CFAP61: variants seen among roughly 807,000 people sequenced by gnomAD.
The protein encoded by CFAP61 is cilia- and flagella-associated protein 61.
A neutral mutation model predicts 135.6 loss-of-function variants in CFAP61; 107 were observed. The ratio of observed to expected loss-of-function variants is 0.79; its 90% CI spans 0.67 to 0.93. The LOEUF is 0.93. Ranked by LOEUF, CFAP61 falls within the 40% of genes least tolerant of loss-of-function variation. The pLI, the probability that CFAP61 is intolerant of heterozygous loss-of-function variation, is 0.00. For synonymous variants in CFAP61, 575 were observed against 578.5 expected (o/e 0.99, Z 0.09); for missense variants, 1,507 against 1,556.2 (o/e 0.97, Z 0.53).
intron 7 of CFAP61, among the ~76,000 whole-genome samples, chr20:20,095,073 A>G (rs2047469986): frequency 6.6e-6 from 1 of 152,216 alleles, no homozygotes. Flanking sequence ...GTTAATAAAT[A>G]CTTGAAATTC....
rs386393498 is a variant in CFAP61, at chr20:20,151,829, CA to C, written c.952-7522del. ...TGGGCGACAGAGCAAGACTCCGTCT[CA>C]AAAAAAAAAAAAAAAAAAGAAGCTC... On this transcript the variant is annotated intron_variant, in intron 9 of 26. Transcript: ENST00000245957. Among the ~76,000 whole-genome samples, 410 of 53,348 alleles carry C rather than the reference CA, an allele frequency of 7.7e-3. 4 individuals carry two copies. The highest frequency in any genetic ancestry group is 0.03 in the African/African-American group (370 of 12,156). The allele number at this position is 53,348 out of a possible 152,430, so 35.0% of individuals were successfully genotyped here.
intron 8 of CFAP61, among the ~76,000 whole-genome samples, chr20:20,112,492 ATC>A (rs1034147427): frequency 1.3e-5 from 2 of 151,670 alleles, no homozygotes; most frequent in Admixed American, 1.3e-4. Context: ...AATTTTTGAT[ATC>A]TCTTTTTTTA....
chr20:20,155,884 A>C (rs2052862466), intron 9 of CFAP61, among the ~76,000 whole-genome samples: 1 of 152,224 alleles, frequency 6.6e-6, no homozygotes, highest in African/African-American at 2.4e-5. Flanking sequence ...AATTAAAAGT[A>C]GAACTACCAT....
Position 20,277,392 on chromosome 20 carries a change from G to A in CFAP61, c.2730G>A (p.Leu910=), listed in dbSNP as rs756321330. Reference sequence around the variant, plus strand: ...TCCTGGCCCAGTGGAATGACGGCCTGCACCCAGACCCCATCTACAGCGCCT... The same window carrying A: ...TCCTGGCCCAGTGGAATGACGGCCTACACCCAGACCCCATCTACAGCGCCT... ...DAILAQWNDG[L]HPDPIYSASF... Residue 910 remains leucine, a synonymous_variant, in exon 22 of 27, where the codon CTG becomes CTA. Transcript: ENST00000245957. 6.2e-7 allele frequency: 1 copy of A among 1,614,150 alleles called. No individual in the cohort carries two copies.
At chr20:20,209,934 C>G (rs111562566) in intron 17 of CFAP61, among the ~76,000 whole-genome samples, 1 of 152,094 alleles carries the variant, frequency 6.6e-6, no homozygotes, top group African/African-American at 2.4e-5. Context: ...TCCAGGCCCC[C>G]GCAGCCCTCA....
intron 21 of CFAP61, chr20:20,265,302 T>G (rs1468171102): frequency 1.3e-6 from 1 of 748,034 alleles, no homozygotes; most frequent in Non-Finnish European, 2.5e-6. Context: ...CCTTCGAAAG[T>G]GGCACTGCAA....
Position 20,266,167 on chromosome 20 carries a change from G to T in CFAP61, c.2503+3037G>T, listed in dbSNP as rs552456752. Among the ~76,000 whole-genome samples, 4 of 152,334 alleles carry T rather than the reference G, an allele frequency of 2.6e-5. No individual in the cohort carries two copies. In the East Asian group the frequency reaches 7.7e-4, roughly 29 times the overall value. On this transcript the variant is annotated intron_variant, in intron 21 of 26. Transcript: ENST00000245957. Reference sequence around the variant, plus strand: ...TTTAGCTGGGAGGGCATTCCATATAGAAATACAAATTCATGCCAAATCACT... The same window carrying T: ...TTTAGCTGGGAGGGCATTCCATATATAAATACAAATTCATGCCAAATCACT...
intron 17 of CFAP61, among the ~76,000 whole-genome samples, chr20:20,211,555 A>G (rs546105813): frequency 9.2e-5 from 14 of 152,354 alleles, no homozygotes; most frequent in African/African-American, 3.1e-4. Context: ...CATGGGAGCC[A>G]TAAAGATTTT....
intron 18 of CFAP61, among the ~76,000 whole-genome samples, chr20:20,239,582 A>G (rs1601567854): frequency 6.6e-6 from 1 of 152,220 alleles, no homozygotes; most frequent in East Asian, 1.9e-4. Context: ...GATGCATTTA[A>G]TCTTCACAGA....
At chr20:20,084,274 A>G (rs577161812) in intron 6 of CFAP61, among the ~76,000 whole-genome samples, 3 of 152,354 alleles carry the variant, frequency 2.0e-5, no homozygotes, top group East Asian at 3.9e-4. Flanking sequence ...AAGTGACAAC[A>G]TTCAGTTGTA....
intron 25 of CFAP61, among the ~76,000 whole-genome samples, chr20:20,319,592 A>G (rs2057331510): frequency 6.6e-6 from 1 of 152,186 alleles, no homozygotes; most frequent in Non-Finnish European, 1.5e-5. Flanking sequence ...CCCTTCAACC[A>G]TGACTGAAAG....
At chr20:20,316,884 A>G (rs1283751930) in intron 25 of CFAP61, 2 of 130,688 alleles carry the variant, frequency 1.5e-5, no homozygotes, top group African/African-American at 5.5e-5. Context: ...TCTGTCTGAA[A>G]AAAACCAAGG....
At chr20:20,273,244 C>A (rs929467472) in intron 21 of CFAP61, among the ~76,000 whole-genome samples, 1 of 152,070 alleles carries the variant, frequency 6.6e-6, no homozygotes, top group Non-Finnish European at 1.5e-5. Flanking sequence ...TAAATGCCAC[C>A]AATATGACAG....
rs1363346002 is a variant in CFAP61 at position 20,220,905 on chromosome 20, TAG to T, written c.1933-7343_1933-7342del. ...GATATAGAGCTTGAGAATGATTAGG[TAG>T]CTGGATGTTAAGTAGTTTGTTAAAG... On this transcript the variant is annotated intron_variant, in intron 17 of 26. Coordinates refer to ENST00000245957, the MANE Select transcript of CFAP61 (RefSeq NM_015585.4). 2.6e-5 allele frequency among the ~76,000 whole-genome samples: 4 copies of T among 152,174 alleles called. No homozygotes were observed. The South Asian group carries it at 8.3e-4, about 32-fold the overall frequency.
chr20:20,096,986 G>C lies in CFAP61; in HGVS notation c.700-1669G>C, dbSNP rs977089853. Among the ~76,000 whole-genome samples the C allele has an allele frequency of 3.9e-5, 6 of 152,116 alleles. 1 individual carries two copies. Among genetic ancestry groups the C allele is most frequent in the Admixed American group, 2.6e-4 (4 of 15,266 alleles). On this transcript the variant is annotated intron_variant, in intron 7 of 26. Transcript: ENST00000245957. ...TTTTAAAAATTCCCCTCATATTTCAGTATTGAGAAGAAAATAGAGGAGGTC... is the reference window on the plus strand; with the variant it reads ...TTTTAAAAATTCCCCTCATATTTCACTATTGAGAAGAAAATAGAGGAGGTC...
chr20:20,232,244 T>A (rs930993524), intron 18 of CFAP61, among the ~76,000 whole-genome samples: 1 of 152,186 alleles, frequency 6.6e-6, no homozygotes, highest in Admixed American at 6.5e-5. Flanking sequence ...ATCTGTAAAG[T>A]GAACTCACTA....
At chr20:20,225,178 G>A (rs1569157004) in intron 17 of CFAP61, 1 of 152,170 alleles carries the variant, frequency 6.6e-6, no homozygotes, top group Admixed American at 6.5e-5. Flanking sequence ...AGCAGCAGAA[G>A]CCATCTTCAT....
At chr20:20,105,395 G>A (rs943307280) in intron 8 of CFAP61, among the ~76,000 whole-genome samples, 2 of 152,010 alleles carry the variant, frequency 1.3e-5, no homozygotes, top group Non-Finnish European at 2.9e-5. Flanking sequence ...TTACTCACTT[G>A]GTAGCAGTTG....
chr20:20,332,286 C>G (rs1193201), intron 25 of CFAP61, among the ~76,000 whole-genome samples: 3,749 of 152,108 alleles, frequency 0.025, 70 homozygotes, highest in Non-Finnish European at 0.038. Flanking sequence ...TCTTAAGTGT[C>G]TAAACATTAT....
Sources: allele counts gnomAD v4.1 joint callset (sites outside exome capture counted in the v4.1 genomes callset), GRCh38; gene constraint gnomAD v4.1.1; transcripts MANE v1.5; gene names NCBI Gene and HGNC (gene_info 2026-07-23, HGNC 2026-07-21).